Variants in NOVA1 observed in about 807,000 individuals in gnomAD.
The protein encoded by NOVA1 is RNA-binding protein Nova-1.
NOVA1 carries 7 observed loss-of-function variants against 38.0 expected under a neutral mutation model. The ratio of observed to expected loss-of-function variants is 0.18; its 90% CI spans 0.10 to 0.35. The LOEUF (loss-of-function observed/expected upper bound fraction) is 0.35, where lower values mean the gene tolerates loss of function less well. Ranked by LOEUF, NOVA1 falls within the 10% of genes least tolerant of loss-of-function variation. NOVA1 has a pLI of 1.00. For missense variants in NOVA1, 460 were observed against 616.0 expected (o/e 0.75, Z 2.68); for synonymous variants, 270 against 232.5 (o/e 1.16, Z -1.47).
chr14:26,532,805 A>G (rs1889815271), intron 2 of NOVA1, among the ~76,000 whole-genome samples: 1 of 152,314 alleles, frequency 6.6e-6, no homozygotes, highest in African/African-American at 2.4e-5. Context: ...AACTTCAAAC[A>G]AATTTCAAAT....
chr14:26,559,823 T>C (rs1891712289), intron 2 of NOVA1, among the ~76,000 whole-genome samples: 1 of 152,112 alleles, frequency 6.6e-6, no homozygotes, highest in Non-Finnish European at 1.5e-5. Flanking sequence ...AGAGTGACTT[T>C]AGTAACCTTT....
chr14:26,478,154 C>A (rs1225299602), intron 3 of NOVA1, among the ~76,000 whole-genome samples: 1 of 151,630 alleles, frequency 6.6e-6, no homozygotes, highest in Admixed American at 6.6e-5. Context: ...AAAAATAAAG[C>A]AAATATTTTA....
chr14:26,517,600 A>T (rs1888566046), intron 2 of NOVA1, among the ~76,000 whole-genome samples: 1 of 152,230 alleles, frequency 6.6e-6, no homozygotes, highest in African/African-American at 2.4e-5. Flanking sequence ...TATGTTGAGA[A>T]GACTAAATGG....
intron 1 of NOVA1, among the ~76,000 whole-genome samples, chr14:26,596,336 T>C (rs937077439): frequency 6.6e-6 from 1 of 152,114 alleles, no homozygotes; most frequent in African/African-American, 2.4e-5. Flanking sequence ...TTTCCCAAAA[T>C]AATCACAACT....
chr14:26,448,594 C>T lies in NOVA1; in HGVS notation c.889G>A (p.Val297Ile), dbSNP rs753209863. ...GATAAAACTGCTGGAAAGGCTGCAA[C>T]GCCAGCAAGGTTAGCATGTCCTAAT... ...GLLGHANLAG[V>I]AAFPAVLSGF... The change falls in exon 5 of 5, where the codon GTT (valine) becomes ATT (isoleucine). Residue 297 changes from valine (V) to isoleucine (I), a missense_variant. Transcript: ENST00000539517. This position sits in a 1 kb window ranked among gnomAD's most constrained non-coding sequence, Gnocchi z 5.3. 33 of 1,614,100 alleles carry T rather than the reference C, an allele frequency of 2.0e-5. No individual in the cohort carries two copies. Among genetic ancestry groups the T allele is most frequent in the South Asian group, 1.5e-4 (14 of 91,094 alleles).
rs1202698058 is a variant in NOVA1, at chr14:26,443,373, T to C, written c.*4586A>G. 6.6e-6 allele frequency: 1 copy of C among 152,022 alleles called. No homozygotes were observed. The highest frequency in any genetic ancestry group is 1.5e-5 in the Non-Finnish European group (1 of 67,920). The allele number at this position is 152,022 out of a possible 1,614,324, so 9.4% of individuals were successfully genotyped here. Reference sequence around the variant, plus strand: ...AATCAAAATATTGAATACTTTAGAATTAAACAATATTTTATTTACAAATCT... The same window carrying C: ...AATCAAAATATTGAATACTTTAGAACTAAACAATATTTTATTTACAAATCT... On this transcript the variant is annotated 3_prime_UTR_variant, in exon 5 of 5. Coordinates refer to ENST00000539517, the MANE Select transcript of NOVA1 (RefSeq NM_002515.3).
chr14:26,473,337 A>G (rs1884737047), intron 3 of NOVA1, among the ~76,000 whole-genome samples: 1 of 151,844 alleles, frequency 6.6e-6, no homozygotes, highest in Non-Finnish European at 1.5e-5. Context: ...TCATATGCTC[A>G]CTAAGCAAAA....
intron 2 of NOVA1, among the ~76,000 whole-genome samples, chr14:26,533,252 T>C (rs979529407): frequency 2.0e-5 from 3 of 152,214 alleles, no homozygotes; most frequent in Admixed American, 6.5e-5. Context: ...TGTTTATATA[T>C]AGTCTTTCCT....
intron 2 of NOVA1, among the ~76,000 whole-genome samples, chr14:26,544,679 GGAAT>G (rs1890680219): frequency 6.6e-6 from 1 of 151,570 alleles, no homozygotes; most frequent in Non-Finnish European, 1.5e-5. Flanking sequence ...GAGAAAAGAA[GGAAT>G]GAAAGAATGA....
intron 2 of NOVA1, among the ~76,000 whole-genome samples, chr14:26,486,206 C>G (rs1382676580): frequency 6.6e-6 from 1 of 151,972 alleles, no homozygotes; most frequent in Non-Finnish European, 1.5e-5. Context: ...GGAGGTATGT[C>G]TGTCTGTTTA....
chr14:26,468,716 T>G (rs1462325972), intron 4 of NOVA1, among the ~76,000 whole-genome samples: 4 of 152,202 alleles, frequency 2.6e-5, no homozygotes. Context: ...ATTATTTTTA[T>G]TTTTATTTTT....
chr14:26,477,508 A>T (rs1179371088), intron 3 of NOVA1, among the ~76,000 whole-genome samples: 1 of 152,168 alleles, frequency 6.6e-6, no homozygotes, highest in Non-Finnish European at 1.5e-5. Flanking sequence ...CCAAGAAATT[A>T]TACTTGTCTG....
intron 2 of NOVA1, among the ~76,000 whole-genome samples, chr14:26,502,095 T>C (rs899449249): frequency 1.3e-5 from 2 of 151,938 alleles, no homozygotes; most frequent in African/African-American, 4.8e-5. Flanking sequence ...TAAAAATGAA[T>C]TGTTTGGGAT....
chr14:26,597,064 G>C (rs1400662625), intron 1 of NOVA1: 17 of 1,228,090 alleles, frequency 1.4e-5, no homozygotes, highest in African/African-American at 3.1e-5. Context: ...CCGAAAAACT[G>C]GTCGCCATTT....
At chr14:26,471,302 CTTATA>C (rs1239646468) in intron 4 of NOVA1, among the ~76,000 whole-genome samples, 4 of 151,702 alleles carry the variant, frequency 2.6e-5, no homozygotes, top group Non-Finnish European at 5.9e-5. Flanking sequence ...TTCTGATAGT[CTTATA>C]TTAGATAATA....
intron 2 of NOVA1, among the ~76,000 whole-genome samples, chr14:26,542,413 A>G (rs1233104214): frequency 6.6e-6 from 1 of 151,816 alleles, no homozygotes; most frequent in Admixed American, 6.6e-5. Context: ...TTTTGACTAA[A>G]TTTCAGTAAT....
Position 26,597,626 on chromosome 14 carries a change from G to C in NOVA1, c.-190C>G. 2 of 1,218,000 alleles carry C rather than the reference G, an allele frequency of 1.6e-6. No homozygotes were observed. The highest frequency in any genetic ancestry group is 4.3e-5 in the South Asian group (1 of 23,212). The allele number at this position is 1,218,000 out of a possible 1,614,324, so 75.4% of individuals were successfully genotyped here. The stretch of plus-strand genomic sequence containing the variant: ...GTTGCTGGTTTGTTCTCACTGGGGA[G>C]GGGGCAGGGCTGAGGAGCAGCTGCA... On this transcript the variant is annotated 5_prime_UTR_variant, in exon 1 of 5. Coordinates refer to ENST00000539517, the MANE Select transcript of NOVA1 (RefSeq NM_002515.3).
rs1464279090 is a variant in NOVA1 at position 26,447,960 on chromosome 14, C to T, written c.1523G>A (p.Ter508=). The change falls in exon 5 of 5, where the codon TGA becomes TAA. Residue 508 remains the stop codon, a stop_retained_variant. Coordinates refer to ENST00000539517, the MANE Select transcript of NOVA1 (RefSeq NM_002515.3). ...VRAANPQKVG[*] ...CAATCTGATGTGTAACTGGGGCACT[C>T]AACCCACTTTCTGAGGATTGGCAGC... 5.0e-6 allele frequency: 8 copies of T among 1,613,472 alleles called. No homozygotes were observed. Among genetic ancestry groups the T allele is most frequent in the Non-Finnish European group, 6.8e-6 (8 of 1,179,636 alleles).
chr14:26,518,463 T>C (rs547532949), intron 2 of NOVA1, among the ~76,000 whole-genome samples: 7 of 152,206 alleles, frequency 4.6e-5, no homozygotes, highest in African/African-American at 1.7e-4. Context: ...CGACAAATCA[T>C]TTGAAATTTC....
Sources: allele counts gnomAD v4.1 joint callset (sites outside exome capture counted in the v4.1 genomes callset), GRCh38; gene constraint gnomAD v4.1.1; non-coding constraint Gnocchi (gnomAD v3.1); transcripts MANE v1.5; gene names NCBI Gene and HGNC (gene_info 2026-07-23, HGNC 2026-07-21).